Variants in EPB42 observed in about 807,000 individuals in gnomAD.
EPB42 encodes erythrocyte membrane protein band 4.2.
Under a neutral mutation model 76.9 loss-of-function variants are expected in EPB42, and 49 were observed. That is an observed-to-expected ratio of 0.64 (90% CI 0.51 to 0.81). The LOEUF is 0.81. Ranked by LOEUF, EPB42 falls within the 30% of genes least tolerant of loss-of-function variation. The pLI, the probability that EPB42 is intolerant of heterozygous loss-of-function variation, is 0.00. For missense variants in EPB42, 731 were observed against 867.6 expected (o/e 0.84, Z 1.98); for synonymous variants, 310 against 338.4 (o/e 0.92, Z 0.92).
chr15:43,212,350 C>T (rs894811210), intron 3 of EPB42, among the ~76,000 whole-genome samples: 2 of 88,778 alleles, frequency 2.3e-5, no homozygotes, highest in African/African-American at 9.3e-5. Context: ...GCTTGGGCAA[C>T]AAGAGTGAAA....
intron 10 of EPB42, among the ~76,000 whole-genome samples, chr15:43,204,143 A>G (rs2042166626): frequency 6.6e-6 from 1 of 152,156 alleles, no homozygotes; most frequent in South Asian, 2.1e-4. Flanking sequence ...AGGGAGGACT[A>G]GACAGTTTGT....
intron 1 of EPB42, 50 bp downstream of exon 1, chr15:43,220,765 CG>C: frequency 6.2e-7 from 1 of 1,612,484 alleles, no homozygotes. Flanking sequence ...GGTGATGCTG[CG>C]GGGGCTGCAT....
chr15:43,208,696 T>C lies in EPB42; in HGVS notation c.912A>G (p.Ile304Met), dbSNP rs1460640757. 1.9e-6 allele frequency: 3 copies of C among 1,614,088 alleles called. No homozygotes were observed. The highest frequency in any genetic ancestry group is 1.6e-4 in the Middle Eastern group (1 of 6,062). Residue 304 changes from isoleucine to methionine, a missense_variant, in exon 7 of 13, where the codon ATA (isoleucine) becomes ATG (methionine). Coordinates refer to ENST00000441366, the MANE Select transcript of EPB42 (RefSeq NM_001114134.2). ...GTCCCTCCTCATTATAGTATTCATC[T>C]ATGAGAAGACGCCCACCGGTGCCCT... ...SAQGTGGRLLIDEYYNEEGLQ... is the reference protein window; with the variant it reads ...SAQGTGGRLLMDEYYNEEGLQ...
intron 4 of EPB42, among the ~76,000 whole-genome samples, 196 bp from the exon 5 acceptor site, chr15:43,210,635 T>C (rs2042280463): frequency 2.0e-5 from 3 of 152,276 alleles, no homozygotes; most frequent in Admixed American, 2.0e-4. Context: ...CAATGGGACC[T>C]GGGTTCCTTT....
In EPB42 at chr15:43,207,440, G is replaced by A. The variant is rs768178069; in HGVS notation, c.1077C>T (p.Val359=). The A allele has an allele frequency of 1.1e-5, 17 of 1,613,662 alleles. No individual in the cohort carries two copies. Among genetic ancestry groups the A allele is most frequent in the Non-Finnish European group, 1.4e-5 (17 of 1,180,032 alleles). ...LHPSAPNGGG[V]LGSCDLVPVR... is the part of the protein sequence containing the mutation. ...CCGGCACCAGATCACAGGACCCCAG[G>A]ACTGAGGGAGAGAAAGGTTGGTGAG... The change falls in exon 9 of 13, where the codon GTC becomes GTT. Residue 359 remains valine (V), a splice_region_variant and synonymous_variant. Coordinates refer to ENST00000441366, the MANE Select transcript of EPB42 (RefSeq NM_001114134.2).
At chr15:43,221,762 TAC>T, upstream of EPB42, among the ~76,000 whole-genome samples, 1 of 151,478 alleles carries the variant, frequency 6.6e-6, no homozygotes, top group African/African-American at 2.4e-5. Flanking sequence ...TTCTGCTGTT[TAC>T]TCTTTTATAC....
Position 43,210,382 on chromosome 15 carries a change from C to T in EPB42, c.607G>A (p.Glu203Lys). The part of the protein sequence containing the change: ...LRLLSKDKQV[E>K]KWSQPVHVAR... The stretch of plus-strand genomic sequence containing the variant: ...ACGTGCACCGGCTGGCTCCACTTCT[C>T]TACCTGCTTGTCCTTGCTCAGCAAG... Residue 203 changes from glutamate to lysine, a missense_variant, in exon 5 of 13, where the codon GAG becomes AAG. Physicochemically the swap from Glu to Lys is moderately conservative, Grantham distance 56. Transcript: ENST00000441366. 2 of 1,613,972 alleles carry T rather than the reference C, an allele frequency of 1.2e-6. No homozygotes were observed. Among genetic ancestry groups the T allele is most frequent in the Non-Finnish European group, 1.7e-6 (2 of 1,179,996 alleles).
rs573356613 is a variant in EPB42 at position 43,206,964 on chromosome 15, A to G, written c.1318+235T>C. ...GAACTGAATTTTCCTATGTGAAAGA[A>G]TTTAGACTTCCTCTGAGGGTCAGGA... is the stretch of plus-strand genomic sequence containing the variant. On this transcript the variant is annotated intron_variant, in intron 9 of 12. Transcript: ENST00000441366. This position sits in a 1 kb window ranked among gnomAD's most constrained non-coding sequence, Gnocchi z 4.7. Among the ~76,000 whole-genome samples the G allele has an allele frequency of 8.5e-5, 13 of 152,332 alleles. No homozygotes were observed. The highest frequency in any genetic ancestry group is 2.9e-4 in the African/African-American group (12 of 41,564).
intron 3 of EPB42, 135 bp downstream of exon 3, chr15:43,214,960 C>T: frequency 1.3e-6 from 1 of 797,614 alleles, no homozygotes; most frequent in Non-Finnish European, 2.1e-6. Context: ...AGCCCTGGCA[C>T]AGACTGGGTG....
At chr15:43,221,941 G>C (rs1379869057), upstream of EPB42, among the ~76,000 whole-genome samples, 1 of 151,560 alleles carries the variant, frequency 6.6e-6, no homozygotes, top group Non-Finnish European at 1.5e-5. Context: ...TCAGGAGTTC[G>C]AGACCAGCCT....
chr15:43,219,197 C>G (rs1037073454), intron 1 of EPB42, among the ~76,000 whole-genome samples: 2 of 152,142 alleles, frequency 1.3e-5, no homozygotes, highest in African/African-American at 4.8e-5. Context: ...TGAAGAGGCG[C>G]GGACTGGCAC....
Position 43,206,921 on chromosome 15 carries a change from T to TGAG in EPB42, c.1318+275_1318+277dup, listed in dbSNP as rs1395996410. ...GTTGGGGACAAGTCAACACTGTCTC[T>TGAG]GAGGACAGTTTTGCAGGGAACTGAA... is the stretch of plus-strand genomic sequence containing the variant. On this transcript the variant is annotated intron_variant, in intron 9 of 12. Coordinates refer to ENST00000441366, the MANE Select transcript of EPB42 (RefSeq NM_001114134.2). This position sits in a 1 kb window ranked among gnomAD's most constrained non-coding sequence, Gnocchi z 4.7. Among the ~76,000 whole-genome samples the TGAG allele has an allele frequency of 6.6e-6, 1 of 152,220 alleles. No homozygotes were observed. The highest frequency in any genetic ancestry group is 1.5e-5 in the Non-Finnish European group (1 of 68,032).
At chr15:43,204,847 C>G (rs1395203155) in intron 10 of EPB42, among the ~76,000 whole-genome samples, 1 of 152,072 alleles carries the variant, frequency 6.6e-6, no homozygotes. Flanking sequence ...TGCCAGGCCA[C>G]ACCCCAAATC....
At chr15:43,215,388 A>T in intron 2 of EPB42, 60 bp from the exon 3 acceptor site, 1 of 1,551,354 alleles carries the variant, frequency 6.4e-7, no homozygotes, top group Non-Finnish European at 8.9e-7. Flanking sequence ...TCAGAGTAAT[A>T]AGGTCAGGGT....
At chr15:43,203,617 TAG>T in intron 10 of EPB42, among the ~76,000 whole-genome samples, 1 of 152,334 alleles carries the variant, frequency 6.6e-6, no homozygotes, top group African/African-American at 2.4e-5. Context: ...TGTTTTGTTT[TAG>T]AGACAGGGTC....
intron 11 of EPB42, 136 bp from the exon 12 acceptor site, chr15:43,202,113 C>T: frequency 1.7e-6 from 2 of 1,190,252 alleles, no homozygotes; most frequent in Non-Finnish European, 2.4e-6. Flanking sequence ...CAGCTGATGT[C>T]TTCTACCGCT....
chr15:43,224,469 T>A (rs1489302419), upstream of EPB42, among the ~76,000 whole-genome samples: 1 of 152,144 alleles, frequency 6.6e-6, no homozygotes, highest in African/African-American at 2.4e-5. Flanking sequence ...CCATTCTTTA[T>A]TCCTTTACTT....
At position 43,207,422 on chromosome 15, in the gene EPB42, C is replaced by G; in HGVS notation, c.1095G>C (p.Leu365=). The change falls in exon 9 of 13, where the codon CTG becomes CTC. Residue 365 remains leucine (L), a synonymous_variant. Coordinates refer to ENST00000441366, the MANE Select transcript of EPB42 (RefSeq NM_001114134.2). ...CCTCCTTGACTGCTCTGACCGGCAC[C>G]AGATCACAGGACCCCAGGACTGAGG... is the stretch of plus-strand genomic sequence containing the variant. ...NGGGVLGSCD[L]VPVRAVKEGT... 6.2e-7 allele frequency: 1 copy of G among 1,613,972 alleles called. No homozygotes were observed. Among genetic ancestry groups the G allele is most frequent in the Non-Finnish European group, 8.5e-7 (1 of 1,180,032 alleles).
chr15:43,197,352 G>A lies in EPB42; in HGVS notation c.2026C>T (p.Leu676=). 1 of 1,614,210 alleles carries A rather than the reference G, an allele frequency of 6.2e-7. No individual in the cohort carries two copies. Among genetic ancestry groups the A allele is most frequent in the Non-Finnish European group, 8.5e-7 (1 of 1,180,036 alleles). The change falls in exon 13 of 13, where the codon CTA becomes TTA. Residue 676 remains leucine (L), a synonymous_variant. Coordinates refer to ENST00000441366, the MANE Select transcript of EPB42 (RefSeq NM_001114134.2). ...ACGGTGACGCTTTTATAGTTGGTTAGGTTCTGGAACATGTTGCAGTCCACT... is the reference window on the plus strand; with the variant it reads ...ACGGTGACGCTTTTATAGTTGGTTAAGTTCTGGAACATGTTGCAGTCCACT... The part of the protein sequence containing the change: ...VEVDCNMFQN[L]TNYKSVTVVA...
Sources: allele counts gnomAD v4.1 joint callset (sites outside exome capture counted in the v4.1 genomes callset), GRCh38; gene constraint gnomAD v4.1.1; non-coding constraint Gnocchi (gnomAD v3.1); transcripts MANE v1.5; gene names NCBI Gene and HGNC (gene_info 2026-07-23, HGNC 2026-07-21).